Variants in CHFR observed in about 807,000 individuals in gnomAD.
The protein encoded by CHFR is checkpoint with forkhead and ring finger domains.
CHFR carries 57 observed loss-of-function variants against 87.6 expected under a neutral mutation model. That is an observed-to-expected ratio of 0.65 (90% CI 0.53 to 0.81). The LOEUF is 0.81. Among genes scored for constraint, CHFR ranks in the 30% least tolerant of loss-of-function variants. The probability of loss-of-function intolerance (pLI) is 0.00; values close to 1 mark genes in which losing one functional copy is unlikely to be tolerated. For missense variants in CHFR, 797 were observed against 865.8 expected (o/e 0.92, Z 1.00); for synonymous variants, 381 against 359.2 (o/e 1.06, Z -0.69).
Position 132,887,546 on chromosome 12 carries a change from C to G in CHFR, c.-13+1G>C, listed in dbSNP as rs1206207046. 1 of 168,088 alleles carries G rather than the reference C, an allele frequency of 5.9e-6. No homozygotes were observed. Among genetic ancestry groups the G allele is most frequent in the African/African-American group, 2.4e-5 (1 of 41,616 alleles). 10.4% of individuals were successfully genotyped at this position (168,088 alleles called of 1,614,324 possible). A position where few individuals can be genotyped will look rare whatever the true frequency, so the allele number is the denominator to read the frequency against. On this transcript the variant is annotated splice_donor_variant, in intron 1 of 17. Transcript: ENST00000450056. LOFTEE classifies it low-confidence loss of function (5UTR_SPLICE). ...GCAGCCCCCTCGCCAGCCGCGCTTA[C>G]CCCCGCCCCGCGCCGAACCCGGAAC...
chr12:132,861,552 G>A lies in CHFR; in HGVS notation c.666C>T (p.Leu222=). 6.2e-7 allele frequency: 1 copy of A among 1,614,214 alleles called. No homozygotes were observed. Among genetic ancestry groups the A allele is most frequent in the Admixed American group, 1.7e-5 (1 of 60,018 alleles). Reference sequence around the variant, plus strand: ...AAAAGGACGCAGTCTTTCTGTCTGGGAGAGCTGAGGCAAAGCTGGAGACTT... The same window carrying A: ...AAAAGGACGCAGTCTTTCTGTCTGGAAGAGCTGAGGCAAAGCTGGAGACTT... ...SDEVSSFASA[L]PDRKTASFSS... Residue 222 remains leucine (L), a synonymous_variant, in exon 7 of 18, where the codon CTC becomes CTT. Transcript: ENST00000450056.
chr12:132,847,626 C>G (rs1950857229), intron 14 of CHFR: 1 of 1,076,290 alleles, frequency 9.3e-7, no homozygotes, highest in Admixed American at 4.9e-5. Context: ...GTGCTGTCAG[C>G]AAAGTGCTCG....
At chr12:132,877,726 C>T (rs1410472533) in intron 2 of CHFR, 72 bp from the exon 3 acceptor site, 4 of 888,926 alleles carry the variant, frequency 4.5e-6, no homozygotes, top group South Asian at 1.7e-5. Context: ...CTTTGTTTAC[C>T]AAAGTATGTG....
At chr12:132,847,736 G>C in intron 14 of CHFR, 1 of 1,175,542 alleles carries the variant, frequency 8.5e-7, no homozygotes, top group South Asian at 2.1e-5. Flanking sequence ...ACAGGGACCA[G>C]AGAAAAGGCC....
At chr12:132,853,339 G>A in intron 11 of CHFR, 92 bp downstream of exon 11, 1 of 1,307,710 alleles carries the variant, frequency 7.6e-7, no homozygotes, top group East Asian at 3.0e-5. Context: ...CAGACAGGAG[G>A]CGGGCAGAGC....
rs8021 is a variant in CHFR, at chr12:132,840,699, T to C, written c.*855A>G. On this transcript the variant is annotated 3_prime_UTR_variant, in exon 18 of 18. Coordinates refer to ENST00000450056, the MANE Select transcript of CHFR (RefSeq NM_001161346.2). ...GCGTCCTGGGACCTGCCTCCAGCCC[T>C]GGGCTTGGGGCCGTGGTCACTCACA... 38,047 of 127,860 alleles carry C rather than the reference T, an allele frequency of 0.3. 5,633 individuals are homozygous for C. The highest frequency in any genetic ancestry group is 0.46 in the Middle Eastern group (116 of 250). 7.9% of individuals were successfully genotyped at this position (127,860 alleles called of 1,614,324 possible). A position where few individuals can be genotyped will look rare whatever the true frequency, so the allele number is the denominator to read the frequency against.
intron 12 of CHFR, 43 bp from the exon 13 acceptor site, chr12:132,848,767 G>T: frequency 1.4e-6 from 2 of 1,426,238 alleles, no homozygotes; most frequent in Non-Finnish European, 1.9e-6. Context: ...AGCGCTGAGG[G>T]CTGTCTCCAA....
At chr12:132,845,781 G>GGGTGACTT (rs146400366) in intron 15 of CHFR, among the ~76,000 whole-genome samples, 30,985 of 151,950 alleles carry the variant, frequency 0.2, 4,043 homozygotes, top group Non-Finnish European at 0.3. Flanking sequence ...AAGTCCCCGA[G>GGGTGACTT]GGTCCCAGGA....
At chr12:132,876,088 A>C (rs941443322) in intron 3 of CHFR, among the ~76,000 whole-genome samples, 1 of 151,910 alleles carries the variant, frequency 6.6e-6, no homozygotes, top group Non-Finnish European at 1.5e-5. Flanking sequence ...GGGCAGGAGA[A>C]TGGCTGGAAC....
In CHFR at chr12:132,851,620, T is replaced by C; in HGVS notation, c.1490A>G (p.Gln497Arg). The C allele has an allele frequency of 6.2e-7, 1 of 1,609,470 alleles. No homozygotes were observed. The highest frequency in any genetic ancestry group is 8.5e-7 in the Non-Finnish European group (1 of 1,178,222). The change falls in exon 12 of 18, where the codon CAG becomes CGG. Residue 497 changes from glutamine (Q) to arginine (R), a missense_variant and splice_region_variant. Gln to Arg is a conservative substitution (Grantham distance 43). Coordinates refer to ENST00000450056, the MANE Select transcript of CHFR (RefSeq NM_001161346.2). ...CGTGCGGTGGCGCGGGCACTCACAC[T>C]GCTGAGGGGCGACACGCGGGTCCTG... ...REQDPRVAPQ[Q>R]CAVCLQPFCH...
At chr12:132,875,877 G>A (rs547002043) in intron 3 of CHFR, among the ~76,000 whole-genome samples, 16 of 151,958 alleles carry the variant, frequency 1.1e-4, no homozygotes, top group Non-Finnish European at 7.4e-5. Flanking sequence ...ATAAAACACC[G>A]TAAGTGAAAA....
intron 2 of CHFR, among the ~76,000 whole-genome samples, chr12:132,880,702 C>T (rs563236854): frequency 6.6e-6 from 1 of 151,036 alleles, no homozygotes; most frequent in African/African-American, 2.4e-5. Flanking sequence ...CGTGGTGGCT[C>T]ACACCTGTAA....
chr12:132,872,982 A>C (rs1368862024), intron 3 of CHFR, among the ~76,000 whole-genome samples: 3 of 152,274 alleles, frequency 2.0e-5, no homozygotes, highest in East Asian at 3.9e-4. Flanking sequence ...AGACAGGAGG[A>C]GGCTAAGTTG....
At chr12:132,872,227 G>A (rs1951506533) in intron 4 of CHFR, 58 bp downstream of exon 4, 2 of 1,041,636 alleles carry the variant, frequency 1.9e-6, no homozygotes, top group East Asian at 2.4e-5. Flanking sequence ...CGTTCAGAGA[G>A]CGCCCTCACG....
At chr12:132,874,764 C>G (rs536979458) in intron 3 of CHFR, among the ~76,000 whole-genome samples, 1 of 142,052 alleles carries the variant, frequency 7.0e-6, no homozygotes, top group East Asian at 2.1e-4. Context: ...GGCCCTGGAA[C>G]AGGCGGGACT....
At position 132,877,599 on chromosome 12, in the gene CHFR, A is replaced by G; in HGVS notation, c.189T>C (p.Ile63=). The change falls in exon 3 of 18, where the codon ATT becomes ATC. Residue 63 remains isoleucine, a synonymous_variant. Coordinates refer to ENST00000450056, the MANE Select transcript of CHFR (RefSeq NM_001161346.2). ...NKLVSGDHCR[I]VVDEKSGQVT... Reference sequence around the variant, plus strand: ...CCTGACCTGATTTTTCATCCACTACAATTCTACAGTGATCTCCAGAGACCA... The same window carrying G: ...CCTGACCTGATTTTTCATCCACTACGATTCTACAGTGATCTCCAGAGACCA... 6.2e-7 allele frequency: 1 copy of G among 1,613,478 alleles called. No individual in the cohort carries two copies. The highest frequency in any genetic ancestry group is 8.5e-7 in the Non-Finnish European group (1 of 1,179,692).
chr12:132,843,187 G>A (rs1950738069), intron 16 of CHFR, 104 bp from the exon 17 acceptor site: 7 of 988,884 alleles, frequency 7.1e-6, no homozygotes, highest in African/African-American at 1.6e-5. Flanking sequence ...CGGTGGAAAC[G>A]CACGGCCTCT....
rs977998360 is a variant in CHFR, at chr12:132,838,602, C to T, written c.*2952G>A. ...GCTGCAGCCCTGCCCTGGGTTTGTCCCAAGGCTGGGCCAAGGAGCCAGGAA... is the reference window on the plus strand; with the variant it reads ...GCTGCAGCCCTGCCCTGGGTTTGTCTCAAGGCTGGGCCAAGGAGCCAGGAA... On this transcript the variant is annotated 3_prime_UTR_variant, in exon 18 of 18. Transcript: ENST00000450056. 14 of 152,452 alleles carry T rather than the reference C, an allele frequency of 9.2e-5. No homozygotes were observed. Among genetic ancestry groups the T allele is most frequent in the African/African-American group, 3.4e-4 (14 of 41,446 alleles). 9.4% of individuals were successfully genotyped at this position (152,452 alleles called of 1,614,324 possible).
Position 132,874,463 on chromosome 12 carries a change from G to A in CHFR, c.234-2069C>T, listed in dbSNP as rs1359405668. ...TCCTGATGTAGGCGGGAAGGCCCAGGACCAGCACCCAGCACAGGGAAACCA... is the reference window on the plus strand; with the variant it reads ...TCCTGATGTAGGCGGGAAGGCCCAGAACCAGCACCCAGCACAGGGAAACCA... On this transcript the variant is annotated intron_variant, in intron 3 of 17. Transcript: ENST00000450056. Among the ~76,000 whole-genome samples the A allele has an allele frequency of 6.0e-5, 9 of 150,446 alleles. No homozygotes were observed. In the East Asian group the frequency reaches 1.0e-3, roughly 17 times the overall value.
Sources: allele counts gnomAD v4.1 joint callset (sites outside exome capture counted in the v4.1 genomes callset), GRCh38; gene constraint gnomAD v4.1.1; transcripts MANE v1.5; gene names NCBI Gene and HGNC (gene_info 2026-07-23, HGNC 2026-07-21).